The following TAFA1 variants were observed in gnomAD, a reference collection of about 807,000 sequenced individuals.
The protein encoded by TAFA1 is chemokine-like protein TAFA-1.
Under a neutral mutation model 18.5 loss-of-function variants are expected in TAFA1, and 4 were observed. The observed-to-expected ratio is 0.22, with a 90% CI of 0.11 to 0.49. The LOEUF is 0.49. TAFA1 is among the 20% of genes least tolerant of loss of function. The probability of loss-of-function intolerance (pLI) is 0.98; values close to 1 mark genes in which losing one functional copy is unlikely to be tolerated. For synonymous variants in TAFA1, 56 were observed against 55.2 expected (o/e 1.01, Z -0.06); for missense variants, 147 against 169.0 (o/e 0.87, Z 0.72).
intron 2 of TAFA1, among the ~76,000 whole-genome samples, chr3:68,104,283 T>C (rs1465471515): frequency 6.6e-6 from 1 of 152,162 alleles, no homozygotes; most frequent in Non-Finnish European, 1.5e-5. Flanking sequence ...GACAATTGTC[T>C]AAGAATTCTT....
intron 3 of TAFA1, among the ~76,000 whole-genome samples, chr3:68,490,901 G>A (rs2072440221): frequency 6.6e-6 from 1 of 151,078 alleles, no homozygotes; most frequent in Admixed American, 6.6e-5. Context: ...GTGCAGTAAT[G>A]CAATTACAGA....
At chr3:68,432,053 A>G (rs1034116216) in intron 3 of TAFA1, among the ~76,000 whole-genome samples, 39 of 151,982 alleles carry the variant, frequency 2.6e-4, no homozygotes, top group Admixed American at 2.5e-3. Context: ...AGGGGTTAAT[A>G]TTATTATTAT....
At chr3:68,191,100 G>T (rs1015107432) in intron 2 of TAFA1, among the ~76,000 whole-genome samples, 2 of 151,854 alleles carry the variant, frequency 1.3e-5, no homozygotes, top group Non-Finnish European at 1.5e-5. Flanking sequence ...CCCATGTGAA[G>T]AGATGGGAGA....
intron 2 of TAFA1, among the ~76,000 whole-genome samples, chr3:68,175,559 G>T (rs917466327): frequency 2.6e-5 from 4 of 152,178 alleles, no homozygotes; most frequent in Non-Finnish European, 5.9e-5. Flanking sequence ...GTGCTTGCAT[G>T]GGGCCTGTAG....
At chr3:68,504,576 T>A (rs1028492797) in intron 3 of TAFA1, among the ~76,000 whole-genome samples, 3 of 152,166 alleles carry the variant, frequency 2.0e-5, no homozygotes, top group Non-Finnish European at 4.4e-5. Flanking sequence ...GCTATCCCTG[T>A]CATGTCACTA....
chr3:68,096,711 A>G (rs766426005), intron 2 of TAFA1, among the ~76,000 whole-genome samples: 2 of 152,186 alleles, frequency 1.3e-5, no homozygotes, highest in African/African-American at 2.4e-5. Flanking sequence ...AACACCTATT[A>G]TAGAGGCATG....
intron 2 of TAFA1, among the ~76,000 whole-genome samples, chr3:68,313,326 T>C (rs2068553823): frequency 6.6e-6 from 1 of 152,218 alleles, no homozygotes; most frequent in Non-Finnish European, 1.5e-5. Flanking sequence ...TTAAACTCCT[T>C]ACTTCAAATC....
chr3:68,038,181 GA>G (rs1705091894), intron 2 of TAFA1, among the ~76,000 whole-genome samples: 1 of 152,092 alleles, frequency 6.6e-6, no homozygotes, highest in African/African-American at 2.4e-5. Context: ...TAATTTTAAT[GA>G]CTCTCATTGT....
At chr3:68,347,563 C>T (rs779889137) in intron 2 of TAFA1, among the ~76,000 whole-genome samples, 2 of 152,124 alleles carry the variant, frequency 1.3e-5, no homozygotes, top group African/African-American at 2.4e-5. Flanking sequence ...TGCAACTGTG[C>T]AACTCTGTCA....
chr3:68,024,228 G>A (rs1469719240), intron 2 of TAFA1, among the ~76,000 whole-genome samples: 1 of 152,096 alleles, frequency 6.6e-6, no homozygotes, highest in Non-Finnish European at 1.5e-5. Context: ...ATTTGTCATG[G>A]ATGAATGCCT....
At chr3:68,499,086 A>G (rs2202978) in intron 3 of TAFA1, among the ~76,000 whole-genome samples, 121,557 of 151,998 alleles carry the variant, frequency 0.8, 48,936 homozygotes, top group African/African-American at 0.89. Flanking sequence ...AGAAATCATC[A>G]AAGAGATACG....
intron 3 of TAFA1, among the ~76,000 whole-genome samples, chr3:68,461,263 T>C (rs999217043): frequency 4.1e-5 from 6 of 148,104 alleles, no homozygotes; most frequent in South Asian, 2.2e-4. Flanking sequence ...GCCTTGGTGA[T>C]AGAGTGAGAC....
intron 2 of TAFA1, among the ~76,000 whole-genome samples, chr3:68,151,776 A>C (rs1176365205): frequency 1.2e-4 from 19 of 152,204 alleles, no homozygotes; most frequent in Non-Finnish European, 5.9e-5. Flanking sequence ...AGTTTCCATC[A>C]CATGAACTTT....
intron 2 of TAFA1, among the ~76,000 whole-genome samples, chr3:68,251,624 A>G (rs1288556332): frequency 6.6e-6 from 1 of 152,190 alleles, no homozygotes; most frequent in Non-Finnish European, 1.5e-5. Context: ...AGAGACCTAA[A>G]AGAAGGGATG....
chr3:68,261,328 T>C (rs1467502705), intron 2 of TAFA1, among the ~76,000 whole-genome samples: 1 of 152,212 alleles, frequency 6.6e-6, no homozygotes, highest in Non-Finnish European at 1.5e-5. Context: ...GACTGTAAAC[T>C]AGTTCAACCC....
At chr3:68,072,190 G>A (rs183611695) in intron 2 of TAFA1, among the ~76,000 whole-genome samples, 1 of 152,228 alleles carries the variant, frequency 6.6e-6, no homozygotes, top group African/African-American at 2.4e-5. Flanking sequence ...GGCTTACAGG[G>A]TGAGGAAGAG....
chr3:68,424,773 G>A (rs182220341), intron 3 of TAFA1, among the ~76,000 whole-genome samples: 6 of 152,084 alleles, frequency 3.9e-5, no homozygotes, highest in Non-Finnish European at 8.8e-5. Flanking sequence ...GTGTATTAAA[G>A]GCTCTGAGAA....
intron 2 of TAFA1, among the ~76,000 whole-genome samples, chr3:68,126,798 A>G (rs895859552): frequency 6.6e-6 from 1 of 152,204 alleles, no homozygotes; most frequent in Admixed American, 6.5e-5. Context: ...AAACGTAACA[A>G]CACAACAGGC....
intron 3 of TAFA1, among the ~76,000 whole-genome samples, chr3:68,481,526 C>G (rs2072236682): frequency 6.6e-6 from 1 of 152,134 alleles, no homozygotes; most frequent in Non-Finnish European, 1.5e-5. Flanking sequence ...CCTTTAGAGG[C>G]AGAGTTTCAT....
Sources: allele counts gnomAD v4.1 joint callset (sites outside exome capture counted in the v4.1 genomes callset), GRCh38; gene constraint gnomAD v4.1.1; transcripts MANE v1.5; gene names NCBI Gene and HGNC (gene_info 2026-07-23, HGNC 2026-07-21).